VTI1A: variants seen among roughly 807,000 people sequenced by gnomAD.
VTI1A encodes vesicle transport through interaction with t-SNAREs homolog 1A.
Under a neutral mutation model 34.9 loss-of-function variants are expected in VTI1A, and 22 were observed. The observed-to-expected ratio is 0.63, with a 90% CI of 0.45 to 0.90. VTI1A has a LOEUF of 0.90. Among genes scored for constraint, VTI1A ranks in the 40% least tolerant of loss-of-function variants. The pLI is 0.00. For synonymous variants in VTI1A, 87 were observed against 97.3 expected (o/e 0.89, Z 0.62); for missense variants, 268 against 275.6 (o/e 0.97, Z 0.20).
rs375218027 is a variant in VTI1A, at chr10:112,721,671, C to T, written c.560+52673C>T. 1.4e-4 allele frequency among the ~76,000 whole-genome samples: 21 copies of T among 152,222 alleles called. No individual in the cohort carries two copies. The Middle Eastern group carries it at 0.017, about 123-fold the overall frequency. On this transcript the variant is annotated intron_variant, in intron 7 of 7. Transcript: ENST00000393077. ...GTATTCCCTCCAGTGTACCATCCTC[C>T]GCCATAATGATGTGCTGTTGGGCAC...
chr10:112,643,306 G>A (rs57737945), intron 5 of VTI1A, among the ~76,000 whole-genome samples: 51 of 151,852 alleles, frequency 3.4e-4, no homozygotes, highest in African/African-American at 1.2e-3. Flanking sequence ...GCCTCTCTGA[G>A]CATGTTTTCT....
At chr10:112,474,716 C>G (rs892681732) in intron 3 of VTI1A, among the ~76,000 whole-genome samples, 4 of 152,068 alleles carry the variant, frequency 2.6e-5, no homozygotes, top group Non-Finnish European at 5.9e-5. Context: ...CTCAGCCTCC[C>G]AAAGTGCTGG....
At position 112,798,884 on chromosome 10, in the gene VTI1A, G is replaced by T. The variant is rs1044934163; in HGVS notation, c.561-16406G>T. Reference sequence around the variant, plus strand: ...ACCTATAACACGCTGCATAGAAAATGCACACCATCCTCCCCTAGAGTCACC... The same window carrying T: ...ACCTATAACACGCTGCATAGAAAATTCACACCATCCTCCCCTAGAGTCACC... On this transcript the variant is annotated intron_variant, in intron 7 of 7. Coordinates refer to ENST00000393077, the MANE Select transcript of VTI1A (RefSeq NM_145206.4). 3.9e-5 allele frequency among the ~76,000 whole-genome samples: 6 copies of T among 152,260 alleles called. No individual in the cohort carries two copies. The East Asian group carries it at 5.8e-4, about 15-fold the overall frequency.
At chr10:112,499,512 A>G (rs1008649796) in intron 3 of VTI1A, among the ~76,000 whole-genome samples, 1 of 152,158 alleles carries the variant, frequency 6.6e-6, no homozygotes, top group African/African-American at 2.4e-5. Context: ...CGACTTCAAA[A>G]TTATATCTCT....
chr10:112,515,284 A>G lies in VTI1A; in HGVS notation c.265-11803A>G, dbSNP rs138035828. On this transcript the variant is annotated intron_variant, in intron 3 of 7. Coordinates refer to ENST00000393077, the MANE Select transcript of VTI1A (RefSeq NM_145206.4). The stretch of plus-strand genomic sequence containing the variant: ...ATATGGCTTATAGAAAGGGAACAGG[A>G]TTCAACTCAAATAAACATAATGGAG... Among the ~76,000 whole-genome samples, 176 of 152,196 alleles carry G rather than the reference A, an allele frequency of 1.2e-3. 2 individuals are homozygous for G. The East Asian group carries it at 0.032, about 28-fold the overall frequency.
intron 3 of VTI1A, among the ~76,000 whole-genome samples, chr10:112,526,165 C>T (rs1285726636): frequency 1.3e-5 from 2 of 152,206 alleles, no homozygotes; most frequent in African/African-American, 4.8e-5. Context: ...GAGGCCCACA[C>T]TTTAGCTTCC....
chr10:112,804,083 A>G (rs778599318), intron 7 of VTI1A, among the ~76,000 whole-genome samples: 1 of 152,228 alleles, frequency 6.6e-6, no homozygotes, highest in Non-Finnish European at 1.5e-5. Context: ...GTAACTACAC[A>G]TTACTGATCT....
chr10:112,724,384 G>GTACT (rs111900364), intron 7 of VTI1A, among the ~76,000 whole-genome samples: 5,852 of 152,144 alleles, frequency 0.038, 369 homozygotes, highest in African/African-American at 0.13. Context: ...AGATGGCATG[G>GTACT]TACTGTTGGT....
the VTI1A span, among the ~76,000 whole-genome samples, chr10:112,830,849 A>ATATATATTTTTTTTTTTTTTT: frequency 6.0e-5 from 2 of 33,512 alleles, no homozygotes; most frequent in African/African-American, 1.4e-4. Flanking sequence ...ATATATATAT[A>ATATATATTTTTTTTTTTTTTT]TTTTTTTTTT....
At chr10:112,839,677 C>G in the VTI1A span, among the ~76,000 whole-genome samples, 1 of 152,244 alleles carries the variant, frequency 6.6e-6, no homozygotes, top group East Asian at 1.9e-4. Flanking sequence ...GTGGGCAGCC[C>G]AGGAGTCTTT....
chr10:112,516,063 G>C (rs1384969218), intron 3 of VTI1A, among the ~76,000 whole-genome samples: 1 of 152,058 alleles, frequency 6.6e-6, no homozygotes, highest in Admixed American at 6.6e-5. Context: ...ATCTAGATAA[G>C]TGCCCTCTGT....
chr10:112,614,138 A>C (rs530349622), intron 5 of VTI1A, among the ~76,000 whole-genome samples: 1 of 152,246 alleles, frequency 6.6e-6, no homozygotes, highest in Admixed American at 6.5e-5. Context: ...TTAACCCCTG[A>C]GTTCGTTAGT....
At chr10:112,511,816 A>G (rs145700461) in intron 3 of VTI1A, among the ~76,000 whole-genome samples, 1 of 152,194 alleles carries the variant, frequency 6.6e-6, no homozygotes, top group Non-Finnish European at 1.5e-5. Flanking sequence ...AGAACATGTA[A>G]TATTTGTCTT....
chr10:112,795,431 CTTTT>C (rs35159993), intron 7 of VTI1A, among the ~76,000 whole-genome samples: 1 of 123,990 alleles, frequency 8.1e-6, no homozygotes, highest in African/African-American at 3.1e-5. Flanking sequence ...CCCTATTACT[CTTTT>C]TTTTTTTTTT....
intron 7 of VTI1A, among the ~76,000 whole-genome samples, chr10:112,756,875 T>C (rs1301207958): frequency 6.6e-6 from 1 of 151,922 alleles, no homozygotes; most frequent in Non-Finnish European, 1.5e-5. Context: ...GGCAAAACCC[T>C]GTCTCTACAA....
chr10:112,726,528 GGT>G (rs1464886101), intron 7 of VTI1A, among the ~76,000 whole-genome samples: 1 of 152,060 alleles, frequency 6.6e-6, no homozygotes, highest in Non-Finnish European at 1.5e-5. Flanking sequence ...AATCCCCTCA[GGT>G]GTGTGTGTTT....
chr10:112,504,404 C>A (rs752337816), intron 3 of VTI1A, among the ~76,000 whole-genome samples: 1 of 152,138 alleles, frequency 6.6e-6, no homozygotes, highest in Admixed American at 6.5e-5. Flanking sequence ...GCACATCACA[C>A]GAAAGACAGC....
At chr10:112,549,802 G>A (rs1851277959) in intron 5 of VTI1A, among the ~76,000 whole-genome samples, 1 of 152,076 alleles carries the variant, frequency 6.6e-6, no homozygotes, top group Non-Finnish European at 1.5e-5. Context: ...CATTTTTAAT[G>A]TGTAGTTACC....
At chr10:112,651,219 A>ACTT in intron 5 of VTI1A, among the ~76,000 whole-genome samples, 1 of 152,334 alleles carries the variant, frequency 6.6e-6, no homozygotes, top group Non-Finnish European at 1.5e-5. Flanking sequence ...GATGGTTTTT[A>ACTT]CATGATATTT....
Sources: gnomAD v4.1 joint callset for allele counts (sites outside exome capture counted in the v4.1 genomes callset) on GRCh38, gnomAD v4.1.1 for gene constraint, MANE v1.5 for transcripts, NCBI Gene and HGNC (gene_info 2026-07-23, HGNC 2026-07-21) for gene names.